SUCO: variants seen among roughly 807,000 people sequenced by gnomAD.
SUCO encodes SUN domain-containing ossification factor.
Under a neutral mutation model 148.1 loss-of-function variants are expected in SUCO, and 57 were observed. The ratio of observed to expected loss-of-function variants is 0.38; its 90% CI spans 0.31 to 0.48. The LOEUF (loss-of-function observed/expected upper bound fraction) is 0.48. Among genes scored for constraint, SUCO ranks in the 20% least tolerant of loss-of-function variants. The pLI is 0.96. For missense variants in SUCO, 1,331 were observed against 1,468.2 expected, an observed-to-expected ratio of 0.91 and a Z score of 1.53; for synonymous variants, 470 against 502.7, an observed-to-expected ratio of 0.93 and a Z score of 0.87.
Position 172,571,471 on chromosome 1 carries a change from C to T in SUCO, c.1049+741C>T, listed in dbSNP as rs111349064. Among the ~76,000 whole-genome samples, 554 of 151,938 alleles carry T rather than the reference C, an allele frequency of 3.6e-3. 1 individual carries two copies. The highest frequency in any genetic ancestry group is 0.012 in the African/African-American group (485 of 41,436). On this transcript the variant is annotated intron_variant, in intron 9 of 23. Transcript: ENST00000263688. Reference sequence around the variant, plus strand: ...AAGTGCCAAGATTGCAGCCTGTGCCCGGCCGCCACCCCGTCTGGGAAGTGA... The same window carrying T: ...AAGTGCCAAGATTGCAGCCTGTGCCTGGCCGCCACCCCGTCTGGGAAGTGA...
chr1:172,533,565 A>C, intron 1 of SUCO, 68 bp downstream of exon 1: 1 of 1,447,072 alleles, frequency 6.9e-7, no homozygotes, highest in African/African-American at 1.4e-5. Flanking sequence ...CCCAGGTCAC[A>C]CCCCCTGGTC....
rs372075170 is a variant in SUCO at position 172,589,862 on chromosome 1, C to T, written c.2761C>T (p.Arg921Cys). The T allele has an allele frequency of 3.8e-6, 6 of 1,580,628 alleles. No homozygotes were observed. Among genetic ancestry groups the T allele is most frequent in the Non-Finnish European group, 5.1e-6 (6 of 1,169,610 alleles). The change falls in exon 18 of 24, where the codon CGT (arginine) becomes TGT (cysteine). Residue 921 changes from arginine (R) to cysteine (C), a missense_variant. By Grantham distance (180) the Arg-to-Cys change is radical. Transcript: ENST00000263688. ...GTCAGTATTTATGAGACTTAATAAT[C>T]GTATTAAAGCCTTAGAAGTTAACAT... is the stretch of plus-strand genomic sequence containing the variant. ...KESVFMRLNN[R>C]IKALEVNMSL...
At chr1:172,602,035 A>G in intron 20 of SUCO, 29 bp from the exon 21 acceptor site, 2 of 1,561,258 alleles carry the variant, frequency 1.3e-6, no homozygotes, top group Non-Finnish European at 1.7e-6. Context: ...ATTTCCTATG[A>G]TTATTATTTA....
rs947561787 is a variant in SUCO, at chr1:172,603,669, A to G, written c.3265+882A>G. Among the ~76,000 whole-genome samples, 4 of 152,112 alleles carry G rather than the reference A, an allele frequency of 2.6e-5. No homozygotes were observed. In the East Asian group the frequency reaches 7.7e-4, roughly 29 times the overall value. ...TAAGTATAATTATGTGTAAAACGTA[A>G]TGAATTTTCACAAACAATACAGCTG... On this transcript the variant is annotated intron_variant, in intron 22 of 23. Coordinates refer to ENST00000263688, the MANE Select transcript of SUCO (RefSeq NM_014283.5).
intron 6 of SUCO, among the ~76,000 whole-genome samples, chr1:172,565,469 C>A (rs548128208): frequency 6.6e-6 from 1 of 152,218 alleles, no homozygotes. Flanking sequence ...AAAGGAATGT[C>A]AATGCCAAAA....
At chr1:172,532,912 C>T, upstream of SUCO, 3 of 1,402,978 alleles carry the variant, frequency 2.1e-6, no homozygotes, top group Non-Finnish European at 1.9e-6. Context: ...AGCATCTGCT[C>T]CTGCGCTTTG....
At chr1:172,532,433 G>C (rs919754617), upstream of SUCO, 1 of 1,508,160 alleles carries the variant, frequency 6.6e-7, no homozygotes. Context: ...TCTTGCTGAA[G>C]AGAAGAAAAA....
rs539627531 is a variant in SUCO at position 172,565,926 on chromosome 1, G to A, written c.733-3093G>A. The stretch of plus-strand genomic sequence containing the variant: ...GCTTACCTGATAATTATGGGGGGTG[G>A]TAGAGGGGACACACCCATCCACAGA... On this transcript the variant is annotated intron_variant, in intron 6 of 23. Transcript: ENST00000263688. Among the ~76,000 whole-genome samples, 17 of 152,248 alleles carry A rather than the reference G, an allele frequency of 1.1e-4. No individual in the cohort carries two copies. The South Asian group carries it at 3.5e-3, about 32-fold the overall frequency.
intron 6 of SUCO, among the ~76,000 whole-genome samples, chr1:172,561,767 C>T (rs1441985915): frequency 6.6e-6 from 1 of 152,230 alleles, no homozygotes; most frequent in East Asian, 1.9e-4. Flanking sequence ...AGTCCCCTGA[C>T]TCCAAGTCCC....
chr1:172,548,585 C>T (rs1653041618), intron 1 of SUCO, among the ~76,000 whole-genome samples: 1 of 152,004 alleles, frequency 6.6e-6, no homozygotes, highest in South Asian at 2.1e-4. Context: ...TGGTAGTCTT[C>T]TGCTGATTAT....
intron 19 of SUCO, among the ~76,000 whole-genome samples, chr1:172,595,849 G>A (rs192687223): frequency 6.6e-6 from 1 of 152,088 alleles, no homozygotes; most frequent in African/African-American, 2.4e-5. Context: ...GGAAGTTCTC[G>A]TGGATAATAC....
intron 7 of SUCO, 80 bp downstream of exon 7, chr1:172,569,222 A>T (rs1654770059): frequency 1.6e-6 from 2 of 1,227,306 alleles, no homozygotes; most frequent in Admixed American, 5.7e-5. Flanking sequence ...TTTGATTGGT[A>T]AAACAAAATA....
chr1:172,608,491 G>T, intron 22 of SUCO: 1 of 464,814 alleles, frequency 2.2e-6, no homozygotes, highest in Non-Finnish European at 3.8e-6. Context: ...CCAGCTACTA[G>T]TTAACAACTT....
Position 172,533,460 on chromosome 1 carries a change from G to A in SUCO, c.25G>A (p.Ala9Thr), listed in dbSNP as rs1166436387. The change falls in exon 1 of 24, where the codon GCC (alanine) becomes ACC (threonine). Residue 9 changes from alanine to threonine, a missense_variant. Transcript: ENST00000263688. MKKHRRALALVSCLFLCSL... is the reference protein window; with the variant it reads MKKHRRALTLVSCLFLCSL... ...GATGAAGAAGCACCGGCGGGCCTTG[G>A]CCCTGGTCTCCTGCCTCTTTCTGTG... The A allele has an allele frequency of 7.0e-6, 11 of 1,565,580 alleles. No homozygotes were observed. The highest frequency in any genetic ancestry group is 7.8e-6 in the Non-Finnish European group (9 of 1,154,818).
intron 1 of SUCO, among the ~76,000 whole-genome samples, chr1:172,550,058 T>A (rs909381440): frequency 1.3e-4 from 20 of 152,098 alleles, no homozygotes; most frequent in Admixed American, 1.0e-3. Context: ...ATTCCTTGTT[T>A]ACAGCTATCT....
chr1:172,578,581 T>C, intron 14 of SUCO, 192 bp downstream of exon 14: 1 of 946,884 alleles, frequency 1.1e-6, no homozygotes, highest in South Asian at 4.9e-5. Context: ...TTCGTATTGC[T>C]TTCCAAGCTT....
intron 16 of SUCO, 151 bp from the exon 17 acceptor site, chr1:172,585,707 C>G: frequency 5.0e-6 from 3 of 594,268 alleles, no homozygotes; most frequent in Non-Finnish European, 9.1e-6. Context: ...ATCATTTCTT[C>G]CTAAAAGAAC....
intron 6 of SUCO, among the ~76,000 whole-genome samples, chr1:172,563,460 C>A (rs946707467): frequency 6.6e-5 from 10 of 152,298 alleles, no homozygotes; most frequent in African/African-American, 2.4e-4. Context: ...AGCAAAGAGC[C>A]TGGTGGCATT....
At chr1:172,541,090 A>G (rs1206532102) in intron 1 of SUCO, among the ~76,000 whole-genome samples, 1 of 152,234 alleles carries the variant, frequency 6.6e-6, no homozygotes. Context: ...GGTTGAAAAT[A>G]TATTTTAAAA....
Sources: gnomAD v4.1 joint callset for allele counts (sites outside exome capture counted in the v4.1 genomes callset) on GRCh38, gnomAD v4.1.1 for gene constraint, MANE v1.5 for transcripts, NCBI Gene and HGNC (gene_info 2026-07-23, HGNC 2026-07-21) for gene names.